The following GPC6 variants were observed in gnomAD, a reference collection of about 807,000 sequenced individuals.
GPC6 encodes the protein glypican 6, also known as glypican-6.
Under a neutral mutation model 55.2 loss-of-function variants are expected in GPC6, and 14 were observed. The observed-to-expected ratio is 0.25, with a 90% CI of 0.17 to 0.40. The LOEUF (loss-of-function observed/expected upper bound fraction) is 0.40, where lower values mean the gene tolerates loss of function less well. Ranked by LOEUF, GPC6 falls within the 10% of genes least tolerant of loss-of-function variation. The pLI, the probability that GPC6 is intolerant of heterozygous loss-of-function variation, is 1.00. For missense variants in GPC6, 641 were observed against 708.5 expected (o/e 0.90, Z 1.08); for synonymous variants, 278 against 259.6 (o/e 1.07, Z -0.68).
intron 2 of GPC6, among the ~76,000 whole-genome samples, chr13:93,807,505 G>A (rs533232741): frequency 1.3e-5 from 2 of 152,322 alleles, no homozygotes; most frequent in East Asian, 1.9e-4. Context: ...CATGGGAAGT[G>A]TGTGATGTGC....
Position 93,696,282 on chromosome 13 carries a change from A to G in GPC6, c.320-133872A>G, listed in dbSNP as rs536187954. On this transcript the variant is annotated intron_variant, in intron 2 of 8. Transcript: ENST00000377047. ...GTAAATTTTCTCCTCTCAACTTCAC[A>G]AACTTTGAATATTTAGAGTTTTGGT... Among the ~76,000 whole-genome samples, 14 of 152,238 alleles carry G rather than the reference A, an allele frequency of 9.2e-5. No individual in the cohort carries two copies. The East Asian group carries it at 2.7e-3, about 30-fold the overall frequency.
rs79625236 is a variant in GPC6 at position 93,763,571 on chromosome 13, G to A, written c.320-66583G>A. Among the ~76,000 whole-genome samples the A allele has an allele frequency of 2.1e-3, 326 of 152,252 alleles. 5 individuals carry two copies. The East Asian group carries it at 0.042, about 20-fold the overall frequency. ...TCTCAAGAAATAAAGTAATCTATGTGATACAAGTTTCAAATATAGTCCTCA... is the reference window on the plus strand; with the variant it reads ...TCTCAAGAAATAAAGTAATCTATGTAATACAAGTTTCAAATATAGTCCTCA... On this transcript the variant is annotated intron_variant, in intron 2 of 8. Transcript: ENST00000377047.
rs560065590 is a variant in GPC6, at chr13:94,253,807, A to G, written c.878-32542A>G. 2.6e-5 allele frequency among the ~76,000 whole-genome samples: 4 copies of G among 152,300 alleles called. No individual in the cohort carries two copies. The East Asian group carries it at 7.7e-4, about 29-fold the overall frequency. On this transcript the variant is annotated intron_variant, in intron 4 of 8. Transcript: ENST00000377047. ...TCTTTAAGTGCTGCATTTGATCAAC[A>G]TGTGTCATTAATCTCTCCTTCCTGT...
intron 1 of GPC6, among the ~76,000 whole-genome samples, chr13:93,231,429 A>ATG (rs1876058692): frequency 1.0e-5 from 1 of 100,312 alleles, no homozygotes; most frequent in Non-Finnish European, 2.0e-5. Flanking sequence ...ATATACGTAT[A>ATG]TATATATATA....
intron 4 of GPC6, among the ~76,000 whole-genome samples, chr13:94,217,134 A>G (rs16949607): frequency 0.029 from 4,411 of 152,296 alleles, 225 homozygotes; most frequent in African/African-American, 0.093. Flanking sequence ...GAATTTTTCT[A>G]TTGAATGCAG....
chr13:93,842,166 G>A (rs940486951), intron 3 of GPC6, among the ~76,000 whole-genome samples: 1 of 152,024 alleles, frequency 6.6e-6, no homozygotes, highest in African/African-American at 2.4e-5. Flanking sequence ...ATTTTATAAC[G>A]CTTTAAAAAT....
chr13:93,851,540 A>G (rs924706496), intron 3 of GPC6, among the ~76,000 whole-genome samples: 5 of 151,896 alleles, frequency 3.3e-5, no homozygotes, highest in Non-Finnish European at 7.4e-5. Flanking sequence ...TCACTGCAGT[A>G]GAGGGAAATA....
intron 5 of GPC6, among the ~76,000 whole-genome samples, chr13:94,286,762 T>C (rs1354994892): frequency 1.3e-5 from 2 of 152,182 alleles, no homozygotes; most frequent in African/African-American, 4.8e-5. Flanking sequence ...TCCCTCACAT[T>C]TGTGAGCAAT....
intron 2 of GPC6, among the ~76,000 whole-genome samples, chr13:93,623,920 G>GT (rs1879079362): frequency 1.3e-5 from 2 of 151,818 alleles, no homozygotes; most frequent in South Asian, 2.1e-4. Context: ...TCTTTTGCCC[G>GT]TTTTTTAACT....
intron 2 of GPC6, among the ~76,000 whole-genome samples, chr13:93,704,780 C>A (rs1882788816): frequency 3.9e-5 from 6 of 151,932 alleles, no homozygotes; most frequent in Admixed American, 3.3e-4. Flanking sequence ...AGGAAATGCT[C>A]AAATCTGTCT....
chr13:94,172,375 T>C (rs959795544), intron 4 of GPC6, among the ~76,000 whole-genome samples: 7 of 152,198 alleles, frequency 4.6e-5, no homozygotes, highest in African/African-American at 1.7e-4. Flanking sequence ...ATTATTAAAT[T>C]TCTCTATCTG....
intron 4 of GPC6, among the ~76,000 whole-genome samples, chr13:94,161,045 C>T (rs1205805322): frequency 6.6e-6 from 1 of 152,056 alleles, no homozygotes. Context: ...AAAATTATGC[C>T]CTTTGGGTTT....
intron 1 of GPC6, among the ~76,000 whole-genome samples, chr13:93,313,649 G>C (rs1488681540): frequency 6.6e-6 from 1 of 151,956 alleles, no homozygotes; most frequent in African/African-American, 2.4e-5. Context: ...ATATAAGCAA[G>C]CATGTAATAG....
chr13:93,836,270 A>G (rs1887727728), intron 3 of GPC6: 1 of 152,250 alleles, frequency 6.6e-6, no homozygotes, highest in African/African-American at 2.4e-5. Context: ...TTCTCTGATC[A>G]CAATGGAAAA....
chr13:93,251,079 C>T (rs1248695909), intron 1 of GPC6, among the ~76,000 whole-genome samples: 1 of 152,072 alleles, frequency 6.6e-6, no homozygotes, highest in Admixed American at 6.5e-5. Context: ...GGAAACCATC[C>T]CCATGATTCA....
At chr13:94,252,493 A>G (rs11616432) in intron 4 of GPC6, among the ~76,000 whole-genome samples, 9,902 of 152,150 alleles carry the variant, frequency 0.065, 446 homozygotes, top group Non-Finnish European at 0.11. Context: ...CACTAAAGCT[A>G]AACTAATAGG....
chr13:93,252,711 A>G (rs1430271033), intron 1 of GPC6, among the ~76,000 whole-genome samples: 1 of 152,212 alleles, frequency 6.6e-6, no homozygotes, highest in East Asian at 1.9e-4. Context: ...TCATTCTAAC[A>G]CATATTTTTA....
intron 4 of GPC6, among the ~76,000 whole-genome samples, chr13:94,076,792 A>G (rs1884930291): frequency 6.6e-6 from 1 of 151,742 alleles, no homozygotes; most frequent in Non-Finnish European, 1.5e-5. Flanking sequence ...AATCATATAC[A>G]TGTGGTTTTA....
intron 2 of GPC6, among the ~76,000 whole-genome samples, chr13:93,744,110 GT>G (rs1884303051): frequency 6.6e-6 from 1 of 152,070 alleles, no homozygotes; most frequent in African/African-American, 2.4e-5. Context: ...ATTATTCTCA[GT>G]TTTTGCCAAT....
Sources: gnomAD v4.1 joint callset for allele counts (sites outside exome capture counted in the v4.1 genomes callset) on GRCh38, gnomAD v4.1.1 for gene constraint, MANE v1.5 for transcripts, NCBI Gene and HGNC (gene_info 2026-07-23, HGNC 2026-07-21) for gene names.